The following INSC variants were observed in gnomAD, a reference collection of about 807,000 sequenced individuals.
The protein encoded by INSC is INSC spindle orientation adaptor protein, also known as protein inscuteable homolog.
Under a neutral mutation model 58.6 loss-of-function variants are expected in INSC, and 67 were observed. The ratio of observed to expected loss-of-function variants is 1.14; its 90% CI spans 0.94 to 1.40. INSC has a LOEUF of 1.40. Among genes scored for constraint, INSC ranks in the 40% most tolerant of loss-of-function variants. The pLI is 0.00. For missense variants in INSC, 714 were observed against 692.0 expected (o/e 1.03, Z -0.36); for synonymous variants, 262 against 276.1 (o/e 0.95, Z 0.51).
chr11:15,242,353 G>A (rs1393903983), intron 12 of INSC, among the ~76,000 whole-genome samples: 1 of 152,178 alleles, frequency 6.6e-6, no homozygotes, highest in African/African-American at 2.4e-5. Context: ...GCCGAAAAAG[G>A]ATTATATCTT....
intron 5 of INSC, 57 bp from the exon 6 acceptor site, chr11:15,190,644 T>C (rs1850129998): frequency 1.7e-6 from 2 of 1,192,850 alleles, no homozygotes; most frequent in South Asian, 1.2e-5. Context: ...TCCACTAAGA[T>C]GAGCAGAGGG....
chr11:15,180,484 A>G (rs7924721), intron 5 of INSC, among the ~76,000 whole-genome samples: 135,255 of 151,878 alleles, frequency 0.89, 60,326 homozygotes, highest in East Asian at 0.99. Flanking sequence ...TGTATAGTTG[A>G]ATCCATTCTG....
chr11:15,163,752 C>G (rs1454469635), intron 2 of INSC, among the ~76,000 whole-genome samples: 3 of 152,262 alleles, frequency 2.0e-5, no homozygotes, highest in Admixed American at 2.0e-4. Context: ...TGCCACCACG[C>G]TCAACTAATT....
intron 7 of INSC, among the ~76,000 whole-genome samples, chr11:15,220,498 A>G (rs556301851): frequency 2.0e-4 from 31 of 152,136 alleles, no homozygotes; most frequent in Admixed American, 3.9e-4. Flanking sequence ...ACTTCTTAGG[A>G]GGCAGCATCA....
chr11:15,215,290 G>C (rs942458487), intron 7 of INSC, among the ~76,000 whole-genome samples: 5 of 152,252 alleles, frequency 3.3e-5, no homozygotes, highest in African/African-American at 1.2e-4. Context: ...GCTTTGATTA[G>C]ATTGTTCTCT....
the INSC span, among the ~76,000 whole-genome samples, chr11:15,265,828 CTTTT>C: frequency 7.8e-6 from 1 of 128,692 alleles, no homozygotes; most frequent in African/African-American, 2.9e-5. Flanking sequence ...ATTGTTCTTG[CTTTT>C]TTTTTTTTTT....
chr11:15,210,700 G>A (rs1193004071), intron 7 of INSC, among the ~76,000 whole-genome samples: 1 of 152,116 alleles, frequency 6.6e-6, no homozygotes, highest in Non-Finnish European at 1.5e-5. Flanking sequence ...TCACAGGGAA[G>A]CAAAGATTGC....
chr11:15,229,959 T>TAATATATATATTATA (rs1332890613), intron 9 of INSC, among the ~76,000 whole-genome samples: 1 of 13,156 alleles, frequency 7.6e-5, no homozygotes, highest in Admixed American at 1.7e-3. Flanking sequence ...TATATATATA[T>TAATATATATATTATA]TTATATATAT....
intron 12 of INSC, among the ~76,000 whole-genome samples, chr11:15,241,056 A>G (rs748433182): frequency 4.6e-5 from 7 of 152,214 alleles, no homozygotes; most frequent in Non-Finnish European, 8.8e-5. Context: ...CACCTTGAAC[A>G]CAAGCAAGTG....
chr11:15,212,683 A>G (rs977199929), intron 7 of INSC, among the ~76,000 whole-genome samples: 6 of 152,148 alleles, frequency 3.9e-5, no homozygotes, highest in Admixed American at 1.3e-4. Context: ...TACAAGTTTG[A>G]TATTGTATCC....
At position 15,240,473 on chromosome 11, in the gene INSC, A is replaced by T. The variant is rs1416567837; in HGVS notation, c.1420A>T (p.Arg474Ter). 1 of 1,613,936 alleles carries T rather than the reference A, an allele frequency of 6.2e-7. No individual in the cohort carries two copies. The highest frequency in any genetic ancestry group is 1.1e-5 in the South Asian group (1 of 91,030). Residue 474 changes from arginine (R) to a stop codon, truncating the protein, a stop_gained, in exon 12 of 13, where the codon AGA (arginine) becomes TGA (stop). Coordinates refer to ENST00000379556, the MANE Select transcript of INSC (RefSeq NM_001042536.3). LOFTEE classifies it high-confidence loss of function. ...CATGTCCCGTCTCATCGAGCTCTGC[A>T]GATCCCCATCAGAGAGGAACAGCAG... ...SCMSRLIELCRSPSERNSSDA... is the reference protein window; with the variant it reads ...SCMSRLIELC
At chr11:15,242,398 C>G (rs1313830843) in intron 12 of INSC, among the ~76,000 whole-genome samples, 4 of 152,160 alleles carry the variant, frequency 2.6e-5, no homozygotes, top group Non-Finnish European at 5.9e-5. Context: ...GAGAACCCCT[C>G]CCTCCCTAAT....
chr11:15,125,953 G>A (rs552163367), intron 1 of INSC, among the ~76,000 whole-genome samples: 3 of 152,146 alleles, frequency 2.0e-5, no homozygotes, highest in Non-Finnish European at 4.4e-5. Flanking sequence ...AGTCAGTTCT[G>A]AAGAATAACG....
chr11:15,157,784 T>C (rs1002715365), intron 2 of INSC, among the ~76,000 whole-genome samples: 2 of 152,158 alleles, frequency 1.3e-5, no homozygotes, highest in African/African-American at 4.8e-5. Context: ...GATGGGCTTG[T>C]GGTGGGGCCA....
intron 7 of INSC, among the ~76,000 whole-genome samples, chr11:15,201,708 C>A (rs2133885379): frequency 6.6e-6 from 1 of 152,286 alleles, no homozygotes; most frequent in South Asian, 2.1e-4. Context: ...GTTTCCCAAC[C>A]AAGTTTCCAG....
intron 6 of INSC, among the ~76,000 whole-genome samples, chr11:15,199,636 CT>C (rs1279768255): frequency 6.6e-6 from 1 of 152,206 alleles, no homozygotes; most frequent in Non-Finnish European, 1.5e-5. Flanking sequence ...TTTTGCTGAA[CT>C]TGCCTTCTTC....
At chr11:15,254,585 A>G in the INSC span, among the ~76,000 whole-genome samples, 4 of 152,220 alleles carry the variant, frequency 2.6e-5, no homozygotes, top group African/African-American at 9.6e-5. Flanking sequence ...AAATGGGATA[A>G]TGATAGTGCC....
At chr11:15,201,373 C>T (rs949163045) in intron 7 of INSC, among the ~76,000 whole-genome samples, 3 of 152,146 alleles carry the variant, frequency 2.0e-5, no homozygotes, top group Non-Finnish European at 4.4e-5. Context: ...CACTGGGTGT[C>T]TGGGAAAGCA....
chr11:15,240,785 A>G (rs1347667360), intron 12 of INSC, among the ~76,000 whole-genome samples: 1 of 152,226 alleles, frequency 6.6e-6, no homozygotes, highest in African/African-American at 2.4e-5. Context: ...CTACAATTTT[A>G]GGAACCAGGA....
Sources: gnomAD v4.1 joint callset for allele counts (sites outside exome capture counted in the v4.1 genomes callset) on GRCh38, gnomAD v4.1.1 for gene constraint, MANE v1.5 for transcripts, NCBI Gene and HGNC (gene_info 2026-07-23, HGNC 2026-07-21) for gene names.